PDE4D: variants seen among roughly 807,000 people sequenced by gnomAD.
PDE4D encodes 3',5'-cyclic-AMP phosphodiesterase 4D.
In PDE4D, 24 loss-of-function variants were observed where a neutral mutation model predicts 87.4. That is an observed-to-expected ratio of 0.27 (90% confidence interval 0.20 to 0.39). The LOEUF (loss-of-function observed/expected upper bound fraction) is 0.39, where lower values mean the gene tolerates loss of function less well. PDE4D is among the 10% of genes least tolerant of loss of function. PDE4D has a pLI of 1.00. For synonymous variants in PDE4D, 384 were observed against 383.2 expected, an observed-to-expected ratio of 1.00 and a Z score of -0.02; for missense variants, 714 against 1,041.0, an observed-to-expected ratio of 0.69 and a Z score of 4.32.
At chr5:59,102,478 A>C (rs912510114) in intron 5 of PDE4D, among the ~76,000 whole-genome samples, 1 of 152,184 alleles carries the variant, frequency 6.6e-6, no homozygotes, top group Non-Finnish European at 1.5e-5. Flanking sequence ...TAGTTTTAAT[A>C]AATCAAATAC....
chr5:60,107,112 A>C (rs1777047009), intron 2 of PDE4D, among the ~76,000 whole-genome samples: 1 of 152,196 alleles, frequency 6.6e-6, no homozygotes, highest in Non-Finnish European at 1.5e-5. Context: ...GACCGCTAGC[A>C]AGACTAATAA....
intron 1 of PDE4D, among the ~76,000 whole-genome samples, chr5:59,602,575 GAATT>G (rs1395823278): frequency 2.6e-5 from 4 of 151,876 alleles, no homozygotes; most frequent in African/African-American, 9.7e-5. Flanking sequence ...TAGATTGGAG[GAATT>G]AATATTAAAA....
At chr5:59,075,544 C>CA (rs890651947) in intron 5 of PDE4D, among the ~76,000 whole-genome samples, 3 of 151,566 alleles carry the variant, frequency 2.0e-5, no homozygotes, top group Admixed American at 2.0e-4. Context: ...TTTTATTATC[C>CA]AAAAAATAGG....
At chr5:59,518,193 TTGTGTGTGTGTGTGTGTG>T (rs34669732) in intron 1 of PDE4D, among the ~76,000 whole-genome samples, 1 of 149,430 alleles carries the variant, frequency 6.7e-6, no homozygotes, top group African/African-American at 2.5e-5. Context: ...ACTTGTGTGT[TTGTGTGTGTGTGTGTGTG>T]TGTGTGTGTG....
intron 1 of PDE4D, among the ~76,000 whole-genome samples, chr5:59,890,711 T>G (rs1344948733): frequency 6.6e-6 from 1 of 152,208 alleles, no homozygotes; most frequent in African/African-American, 2.4e-5. Context: ...GTTTCAGTCT[T>G]AGCTCTAGCA....
Position 60,100,118 on chromosome 5 carries a change from T to C in PDE4D, c.42+85439A>G, listed in dbSNP as rs114777392. Among the ~76,000 whole-genome samples the C allele has an allele frequency of 4.6e-3, 694 of 152,132 alleles. 6 individuals carry two copies. The highest frequency in any genetic ancestry group is 0.016 in the African/African-American group (673 of 41,552). On this transcript the variant is annotated intron_variant, in intron 2 of 16. Coordinates refer to the PDE4D transcript ENST00000502484. Reference sequence around the variant, plus strand: ...ACTGATATGAAAAAAATCTTTAGTATGTTTTATTAATTGGTAAAATTAAAG... The same window carrying C: ...ACTGATATGAAAAAAATCTTTAGTACGTTTTATTAATTGGTAAAATTAAAG...
intron 5 of PDE4D, among the ~76,000 whole-genome samples, chr5:59,107,367 T>A (rs1771786194): frequency 6.6e-6 from 1 of 152,056 alleles, no homozygotes; most frequent in African/African-American, 2.4e-5. Context: ...CACCACCATG[T>A]CTGGCTAATT....
At chr5:60,427,121 C>T (rs369173982) in intron 1 of PDE4D, among the ~76,000 whole-genome samples, 9 of 151,898 alleles carry the variant, frequency 5.9e-5, no homozygotes, top group African/African-American at 1.7e-4. Context: ...GAAAGAAAAG[C>T]GAGTGAGAAT....
At chr5:59,237,850 T>C (rs1000163623) in intron 1 of PDE4D, among the ~76,000 whole-genome samples, 9 of 151,836 alleles carry the variant, frequency 5.9e-5, no homozygotes, top group Non-Finnish European at 1.2e-4. Flanking sequence ...GTGTAACGTG[T>C]CCTCACCAGT....
intron 1 of PDE4D, among the ~76,000 whole-genome samples, chr5:60,355,007 C>T (rs1418316486): frequency 6.6e-6 from 1 of 152,104 alleles, no homozygotes; most frequent in African/African-American, 2.4e-5. Flanking sequence ...AAACTTAATA[C>T]AGATGAGAAT....
chr5:60,381,777 TG>T, intron 1 of PDE4D, among the ~76,000 whole-genome samples: 1 of 152,202 alleles, frequency 6.6e-6, no homozygotes, highest in African/African-American at 2.4e-5. Context: ...AATGTACAAC[TG>T]GAATCTGTGA....
chr5:59,196,148 C>G (rs1336778595), intron 2 of PDE4D, among the ~76,000 whole-genome samples: 1 of 152,166 alleles, frequency 6.6e-6, no homozygotes, highest in African/African-American at 2.4e-5. Context: ...AGAATGTTAT[C>G]ACAGCAAGTG....
chr5:59,490,204 T>C (rs1805931739), intron 1 of PDE4D, among the ~76,000 whole-genome samples: 1 of 152,166 alleles, frequency 6.6e-6, no homozygotes, highest in Non-Finnish European at 1.5e-5. Context: ...AAAATAAATT[T>C]CATATGCTAA....
At chr5:59,768,249 T>A in intron 1 of PDE4D, 1 of 1,598,144 alleles carries the variant, frequency 6.3e-7, no homozygotes, top group South Asian at 1.1e-5. Context: ...AACCTTACCA[T>A]GTATGTGCCA....
chr5:59,747,857 G>T (rs1409616886), intron 1 of PDE4D, among the ~76,000 whole-genome samples: 1 of 152,086 alleles, frequency 6.6e-6, no homozygotes, highest in African/African-American at 2.4e-5. Context: ...GCCTCCTCAA[G>T]AATATTGCTC....
Position 59,501,139 on chromosome 5 carries a change from G to T in PDE4D, c.456-285171C>A, listed in dbSNP as rs535023392. The stretch of plus-strand genomic sequence containing the variant: ...AACAAAATTATATCTTTGAATACTT[G>T]TTAGAGATATATTCCTCAGTCAGTC... On this transcript the variant is annotated intron_variant, in intron 1 of 14. Transcript: ENST00000340635. Among the ~76,000 whole-genome samples the T allele has an allele frequency of 8.0e-4, 122 of 152,194 alleles. 1 individual carries two copies. In the South Asian group the frequency reaches 0.024, roughly 30 times the overall value.
chr5:60,321,069 A>G (rs1170871850), intron 1 of PDE4D, among the ~76,000 whole-genome samples: 52 of 152,214 alleles, frequency 3.4e-4, no homozygotes. Flanking sequence ...TTCATATGGA[A>G]CCAAAAAAGA....
At chr5:60,312,479 T>C (rs987684052) in intron 1 of PDE4D, among the ~76,000 whole-genome samples, 14 of 152,150 alleles carry the variant, frequency 9.2e-5, no homozygotes, top group Admixed American at 2.6e-4. Context: ...TCTGCACTCC[T>C]AGGAGGCCTC....
At chr5:59,985,149 T>TTTTTTTTTTTTTTTTTTTTTTTTTTTC (rs1762321925) in intron 3 of PDE4D, among the ~76,000 whole-genome samples, 1 of 129,080 alleles carries the variant, frequency 7.7e-6, no homozygotes, top group African/African-American at 2.5e-5. Flanking sequence ...TTTTTTGTTT[T>TTTTTTTTTTTTTTTTTTTTTTTTTTTC]TTATTTTGAG....
Sources: gnomAD v4.1 joint callset for allele counts (sites outside exome capture counted in the v4.1 genomes callset) on GRCh38, gnomAD v4.1.1 for gene constraint, MANE v1.5 for transcripts, NCBI Gene and HGNC (gene_info 2026-07-23, HGNC 2026-07-21) for gene names.